The following GABRB1 variants were observed in gnomAD, a reference collection of about 807,000 sequenced individuals.
GABRB1 encodes gamma-aminobutyric acid receptor subunit beta-1.
In GABRB1, 17 loss-of-function variants were observed where a neutral mutation model predicts 51.6. The observed-to-expected ratio is 0.33, with a 90% confidence interval of 0.23 to 0.49. The LOEUF (loss-of-function observed/expected upper bound fraction) is 0.49, where lower values mean the gene tolerates loss of function less well. Ranked by LOEUF, GABRB1 falls within the 20% of genes least tolerant of loss-of-function variation. The pLI is 0.99. For synonymous variants in GABRB1, 247 were observed against 218.9 expected (o/e 1.13, Z -1.14); for missense variants, 410 against 600.6 (o/e 0.68, Z 3.32).
chr4:47,400,921 CTTTTTTTTT>C (rs71195629), intron 5 of GABRB1, among the ~76,000 whole-genome samples: 3 of 98,542 alleles, frequency 3.0e-5, no homozygotes, highest in African/African-American at 4.1e-5. Flanking sequence ...TTGTTCTTCT[CTTTTTTTTT>C]TTTTTTTTTT....
intron 4 of GABRB1, among the ~76,000 whole-genome samples, chr4:47,225,707 T>C (rs1238176615): frequency 6.6e-6 from 1 of 152,138 alleles, no homozygotes; most frequent in African/African-American, 2.4e-5. Flanking sequence ...TGGTAGAAAA[T>C]AGAATATAAC....
chr4:47,046,438 T>G (rs1211341411), intron 3 of GABRB1, among the ~76,000 whole-genome samples: 1 of 152,088 alleles, frequency 6.6e-6, no homozygotes, highest in African/African-American at 2.4e-5. Flanking sequence ...GAAAGGTTAT[T>G]AAAAATTATA....
At chr4:47,366,984 C>A (rs1727005587) in intron 5 of GABRB1, among the ~76,000 whole-genome samples, 1 of 152,130 alleles carries the variant, frequency 6.6e-6, no homozygotes, top group Admixed American at 6.5e-5. Flanking sequence ...AGTAGTGTGA[C>A]ATCTCCCAAT....
intron 4 of GABRB1, among the ~76,000 whole-genome samples, chr4:47,178,501 G>A (rs1304649038): frequency 2.0e-5 from 3 of 152,006 alleles, no homozygotes; most frequent in African/African-American, 7.2e-5. Context: ...TGGATTAGTG[G>A]AGCTAAAGAA....
At chr4:47,069,456 G>A (rs1727221272) in intron 3 of GABRB1, among the ~76,000 whole-genome samples, 1 of 152,080 alleles carries the variant, frequency 6.6e-6, no homozygotes, top group African/African-American at 2.4e-5. Flanking sequence ...AAAAATGACT[G>A]CTAATTTTCT....
Position 47,254,361 on chromosome 4 carries a change from G to GGTTTTTTTTTTTTTTTTTTTT in GABRB1, c.462-65766_462-65765insGTTTTTTTTTTTTTTTTTTTT, listed in dbSNP as rs1305298443. Among the ~76,000 whole-genome samples the GGTTTTTTTTTTTTTTTTTTTT allele has an allele frequency of 1.2e-4, 10 of 80,966 alleles. 4 individuals carry two copies. The highest frequency in any genetic ancestry group is 1.0e-4 in the African/African-American group (2 of 19,290). The allele number at this position is 80,966 out of a possible 152,430, so 53.1% of individuals were successfully genotyped here. A position where few individuals can be genotyped will look rare whatever the true frequency, so the allele number is the denominator to read the frequency against. On this transcript the variant is annotated intron_variant, in intron 4 of 8. Transcript: ENST00000295454. ...ATGGTGGATGATGTTTCTTTTCTTTGTTTTTTTTTTTTTTTTTTTTTTTTT... is the reference window on the plus strand; with the variant it reads ...ATGGTGGATGATGTTTCTTTTCTTTGGTTTTTTTTTTTTTTTTTTTTTTTTTTTTTTTTTTTTTTTTTTTTT...
At chr4:47,239,572 T>C (rs1351900365) in intron 4 of GABRB1, among the ~76,000 whole-genome samples, 2 of 152,206 alleles carry the variant, frequency 1.3e-5, no homozygotes, top group Non-Finnish European at 2.9e-5. Context: ...GGTCTAGAAA[T>C]GGCAAGTTTG....
intron 3 of GABRB1, among the ~76,000 whole-genome samples, chr4:47,072,167 T>C (rs1324733754): frequency 1.3e-5 from 2 of 152,180 alleles, no homozygotes; most frequent in African/African-American, 4.8e-5. Context: ...CCCTCTAAAG[T>C]AAACTTTGAC....
intron 4 of GABRB1, among the ~76,000 whole-genome samples, chr4:47,283,410 G>A (rs71609490): frequency 1.2e-5 from 1 of 85,988 alleles, no homozygotes; most frequent in African/African-American, 4.5e-5. Flanking sequence ...TTTTGAGACA[G>A]AGTCTCAGTC....
At chr4:47,328,357 T>C (rs1362790946) in intron 5 of GABRB1, among the ~76,000 whole-genome samples, 1 of 152,212 alleles carries the variant, frequency 6.6e-6, no homozygotes, top group Non-Finnish European at 1.5e-5. Flanking sequence ...TTGCCATTGC[T>C]TTTGGTGTTT....
At chr4:47,163,358 C>T (rs940272877) in intron 4 of GABRB1, among the ~76,000 whole-genome samples, 8 of 152,000 alleles carry the variant, frequency 5.3e-5, no homozygotes, top group African/African-American at 1.2e-4. Flanking sequence ...AGTTTTCTAA[C>T]TCCCAGGGGT....
chr4:47,195,354 A>G (rs944767134), intron 4 of GABRB1, among the ~76,000 whole-genome samples: 2 of 149,282 alleles, frequency 1.3e-5, no homozygotes, highest in Non-Finnish European at 3.0e-5. Flanking sequence ...GCACAGAGGG[A>G]GACTCCGTCT....
intron 4 of GABRB1, among the ~76,000 whole-genome samples, chr4:47,309,880 G>A (rs1724605056): frequency 6.6e-6 from 1 of 152,040 alleles, no homozygotes; most frequent in Non-Finnish European, 1.5e-5. Flanking sequence ...AGTGTTATAT[G>A]CATTTTTTAT....
intron 3 of GABRB1, among the ~76,000 whole-genome samples, chr4:47,041,463 C>T (rs1725832267): frequency 6.6e-6 from 1 of 152,056 alleles, no homozygotes; most frequent in Admixed American, 6.6e-5. Context: ...CTTTCCCTAC[C>T]TCTACTGAAA....
chr4:47,363,157 G>A (rs563551711), intron 5 of GABRB1, among the ~76,000 whole-genome samples: 18 of 152,204 alleles, frequency 1.2e-4, no homozygotes, highest in African/African-American at 4.1e-4. Flanking sequence ...AATGTGCCAG[G>A]TAGAGTGGTA....
At chr4:47,239,305 T>C (rs143065730) in intron 4 of GABRB1, among the ~76,000 whole-genome samples, 1 of 152,364 alleles carries the variant, frequency 6.6e-6, no homozygotes, top group Admixed American at 6.5e-5. Context: ...TCATTTATAA[T>C]TTCTGTGTAA....
intron 4 of GABRB1, among the ~76,000 whole-genome samples, chr4:47,239,896 C>T (rs987455722): frequency 5.3e-5 from 8 of 152,148 alleles, no homozygotes; most frequent in Non-Finnish European, 7.4e-5. Flanking sequence ...CCACGGGGCT[C>T]AGTGCTGGAC....
chr4:47,161,389 G>A lies in GABRB1; in HGVS notation c.381G>A (p.Lys127=). ...WVPDTYFLND[K]KSFVHGVTVK... ...CAGACACCTACTTTCTGAATGACAA[G>A]AAATCATTTGTGCATGGGGTCACAG... Residue 127 remains lysine, a synonymous_variant, in exon 4 of 9, where the codon AAG becomes AAA. Transcript: ENST00000295454. 1 of 1,612,828 alleles carries A rather than the reference G, an allele frequency of 6.2e-7. No homozygotes were observed. Among genetic ancestry groups the A allele is most frequent in the East Asian group, 2.2e-5 (1 of 44,824 alleles).
intron 5 of GABRB1, among the ~76,000 whole-genome samples, chr4:47,394,711 C>T (rs1253356176): frequency 1.3e-5 from 2 of 151,608 alleles, no homozygotes; most frequent in African/African-American, 2.4e-5. Context: ...ATGGATTTTG[C>T]TGAGGCATTT....
Sources: gnomAD v4.1 joint callset for allele counts (sites outside exome capture counted in the v4.1 genomes callset) on GRCh38, gnomAD v4.1.1 for gene constraint, MANE v1.5 for transcripts, NCBI Gene and HGNC (gene_info 2026-07-23, HGNC 2026-07-21) for gene names.